Variants in ITGA3 observed in about 807,000 individuals in gnomAD.
ITGA3 encodes the protein integrin subunit alpha 3.
ITGA3 carries 70 observed loss-of-function variants against 131.1 expected under a neutral mutation model. The observed-to-expected ratio is 0.53, with a 90% CI of 0.44 to 0.65. ITGA3 has a LOEUF of 0.65. ITGA3 is among the 30% of genes least tolerant of loss of function. ITGA3 has a pLI of 0.00. For missense variants in ITGA3, 1,098 were observed against 1,388.6 expected, an observed-to-expected ratio of 0.79 and a Z score of 3.33; for synonymous variants, 537 against 571.6, an observed-to-expected ratio of 0.94 and a Z score of 0.86.
At chr17:50,088,844 G>A (rs1909583410) in intron 25 of ITGA3, among the ~76,000 whole-genome samples, 1 of 152,118 alleles carries the variant, frequency 6.6e-6, no homozygotes, top group African/African-American at 2.4e-5. Context: ...CAGTCTTCCT[G>A]GCCATTCCAT....
rs1907888406 is a variant in ITGA3, at chr17:50,057,570, C to T, written c.206+925C>T. 2.0e-5 allele frequency among the ~76,000 whole-genome samples: 3 copies of T among 152,176 alleles called. No homozygotes were observed. The South Asian group carries it at 6.2e-4, about 32-fold the overall frequency. ...AGGTCTCTCTGCCGTGGCCTCAGAG[C>T]GCGCGGAGGTTGGCGGTTGGGGGAG... On this transcript the variant is annotated intron_variant, in intron 1 of 25. Transcript: ENST00000320031.
rs113441627 is a variant in ITGA3 at position 50,080,463 on chromosome 17, G to GGT, written c.2820+130_2820+131dup. ...AGGGCGAGTCCAGGGTCATAGCATG[G>GGT]GTGTGTGTGTGTGTGTGTGTGTGTG... On this transcript the variant is annotated intron_variant, in intron 22 of 25. Transcript: ENST00000320031. The GGT allele has an allele frequency of 0.016, 8,259 of 505,550 alleles. 42 individuals carry two copies. Among genetic ancestry groups the GGT allele is most frequent in the African/African-American group, 0.031 (1,273 of 40,966 alleles). The allele number at this position is 505,550 out of a possible 1,614,324, so 31.3% of individuals were successfully genotyped here.
chr17:50,089,178 G>A lies in ITGA3; in HGVS notation c.*100G>A. Reference sequence around the variant, plus strand: ...AGTACCACGCAGTGCGGATCCGGGAGGAGGAGCGCTACCCACCTCCAGGGA... The same window carrying A: ...AGTACCACGCAGTGCGGATCCGGGAAGAGGAGCGCTACCCACCTCCAGGGA... On this transcript the variant is annotated 3_prime_UTR_variant, in exon 26 of 26. Coordinates refer to ENST00000320031, the MANE Select transcript of ITGA3 (RefSeq NM_002204.4). 6.2e-7 allele frequency: 1 copy of A among 1,613,532 alleles called. No individual in the cohort carries two copies. Among genetic ancestry groups the A allele is most frequent in the Non-Finnish European group, 8.5e-7 (1 of 1,179,646 alleles).
chr17:50,079,815 C>A lies in ITGA3; in HGVS notation c.2706+258C>A, dbSNP rs145473807. Among the ~76,000 whole-genome samples the A allele has an allele frequency of 6.1e-4, 93 of 152,280 alleles. No homozygotes were observed. The East Asian group carries it at 0.016, about 26-fold the overall frequency. ...CCAAGGAACCCCAGCCTGTTGGGGG[C>A]GATAGAGCTGCTCAGAGCTTTGGCC... On this transcript the variant is annotated intron_variant, in intron 21 of 25. Coordinates refer to ENST00000320031, the MANE Select transcript of ITGA3 (RefSeq NM_002204.4).
intron 21 of ITGA3, 88 bp downstream of exon 21, chr17:50,079,645 C>T (rs1909093488): frequency 7.3e-7 from 1 of 1,376,682 alleles, no homozygotes; most frequent in African/African-American, 1.5e-5. Flanking sequence ...CAAGGGAGAC[C>T]TCAGTGTGAT....
At position 50,087,763 on chromosome 17, in the gene ITGA3, C is replaced by T. The variant is rs186573877; in HGVS notation, c.2939C>T (p.Ser980Leu). 1.2e-5 allele frequency: 20 copies of T among 1,613,288 alleles called. No homozygotes were observed. Among genetic ancestry groups the T allele is most frequent in the East Asian group, 2.2e-5 (1 of 44,888 alleles). ...CTCCAGTTCTCTGTGGACATTGACT[C>T]GGAGCTGGTGGAGGAGCTGCCGGCC... ...KTTWFSVDID[S>L]ELVEELPAEI... Residue 980 changes from serine (S) to leucine (L), a missense_variant, in exon 24 of 26, where the codon TCG (serine) becomes TTG (leucine). By Grantham distance (145) the Ser-to-Leu change is moderately radical. Transcript: ENST00000320031.
At chr17:50,080,862 C>G (rs544134952) in intron 22 of ITGA3, among the ~76,000 whole-genome samples, 1 of 152,294 alleles carries the variant, frequency 6.6e-6, no homozygotes, top group African/African-American at 2.4e-5. Context: ...CTCATGCCAT[C>G]TAGACCAAAC....
In ITGA3 at chr17:50,077,253, C is replaced by A. The variant is rs9892662; in HGVS notation, c.2071-126C>A. 4.7e-3 allele frequency: 6,034 copies of A among 1,289,588 alleles called. 227 individuals are homozygous for A. The African/African-American group carries it at 0.079, about 17-fold the overall frequency. The allele number at this position is 1,289,588 out of a possible 1,614,324, so 79.9% of individuals were successfully genotyped here. A position where few individuals can be genotyped will look rare whatever the true frequency, so the allele number is the denominator to read the frequency against. On this transcript the variant is annotated intron_variant, in intron 15 of 25. Transcript: ENST00000320031. Reference sequence around the variant, plus strand: ...CTCTGGTCTGGGCCTTCTTGGGGGCCTTAGCGTCTCTGCTGCTTGGAGAAT... The same window carrying A: ...CTCTGGTCTGGGCCTTCTTGGGGGCATTAGCGTCTCTGCTGCTTGGAGAAT...
rs767636391 is a variant in ITGA3, at chr17:50,079,303, G to T, written c.2583+45G>T. ...TATTTCATTTGCATGCTACAGGGCA[G>T]AAAGGCCAGTGTCTTCCCCTCCCTC... On this transcript the variant is annotated intron_variant, in intron 20 of 25. Coordinates refer to ENST00000320031, the MANE Select transcript of ITGA3 (RefSeq NM_002204.4). 5 of 1,596,400 alleles carry T rather than the reference G, an allele frequency of 3.1e-6. No homozygotes were observed. In the South Asian group the frequency reaches 5.6e-5, roughly 18 times the overall value.
Position 50,068,152 on chromosome 17 carries a change from C to T in ITGA3, c.511C>T (p.Leu171=). The change falls in exon 4 of 26, where the codon CTG becomes TTG. Residue 171 remains leucine, a synonymous_variant. Coordinates refer to ENST00000320031, the MANE Select transcript of ITGA3 (RefSeq NM_002204.4). The part of the protein sequence containing the change: ...KCYVRGNDLE[L]DSSDDWQTYH... ...CTACGTGCGAGGCAATGACCTAGAG[C>T]TGGACTCCAGTGATGACTGGCAGAC... 1.2e-6 allele frequency: 2 copies of T among 1,614,206 alleles called. No individual in the cohort carries two copies. The highest frequency in any genetic ancestry group is 4.5e-5 in the East Asian group (2 of 44,890).
In ITGA3 at chr17:50,078,284, TGTGG is replaced by T; in HGVS notation, c.2297+3_2297+6del. Reference sequence around the variant, plus strand: ...TATACACTCCAGACCTCGCTTAGCATGTGGGTACCGCTCTCCACCACCCCCACCC... The same window carrying T: ...TATACACTCCAGACCTCGCTTAGCATGTACCGCTCTCCACCACCCCCACCC... On this transcript the variant is annotated splice_donor_variant and splice_donor_region_variant and intron_variant, in intron 18 of 25. Coordinates refer to ENST00000320031, the MANE Select transcript of ITGA3 (RefSeq NM_002204.4). LOFTEE classifies it high-confidence loss of function. 4 of 1,612,814 alleles carry T rather than the reference TGTGG, an allele frequency of 2.5e-6. No homozygotes were observed. Among genetic ancestry groups the T allele is most frequent in the Non-Finnish European group, 3.4e-6 (4 of 1,179,030 alleles).
At chr17:50,060,366 C>T (rs915763516) in intron 1 of ITGA3, among the ~76,000 whole-genome samples, 2 of 152,242 alleles carry the variant, frequency 1.3e-5, no homozygotes, top group Admixed American at 1.3e-4. Context: ...CCCCAGTGCC[C>T]CCAGGGGCCT....
chr17:50,087,819 G>A lies in ITGA3; in HGVS notation c.2995G>A (p.Val999Met), dbSNP rs771635263. The stretch of plus-strand genomic sequence containing the variant: ...CGAGCTGTGGCTGGTGCTGGTGGCC[G>A]TGGGTGCAGGGCTGCTGCTGCTGGG... ...EIELWLVLVAVGAGLLLLGLI... is the reference protein window; with the variant it reads ...EIELWLVLVAMGAGLLLLGLI... The change falls in exon 24 of 26, where the codon GTG becomes ATG. Residue 999 changes from valine to methionine, a missense_variant. Physicochemically the swap from Val to Met is conservative, Grantham distance 21. This residue lies in a region of ITGA3 where 699 missense variants were observed against 829.2 expected (regional missense o/e 0.84). Transcript: ENST00000320031. The A allele has an allele frequency of 3.7e-6, 6 of 1,611,438 alleles. No homozygotes were observed. The highest frequency in any genetic ancestry group is 2.2e-5 in the South Asian group (2 of 90,886).
chr17:50,077,551 C>G, intron 16 of ITGA3, 104 bp downstream of exon 16: 2 of 911,026 alleles, frequency 2.2e-6, no homozygotes, highest in Non-Finnish European at 3.6e-6. Flanking sequence ...TGGGCTCCCT[C>G]GAAGTGGAGA....
In ITGA3 at chr17:50,073,943, G is replaced by T; in HGVS notation, c.1184G>T (p.Gly395Val). ...ATTGCTGTGGGAGCTCCGTTTGAAG[G>T]CTTGGGCAAAGTGTACATCTATCAC... Reference protein sequence around the residue: ...QDIAVGAPFEGLGKVYIYHSS... With the variant: ...QDIAVGAPFEVLGKVYIYHSS... Residue 395 changes from glycine to valine, a missense_variant, in exon 8 of 26, where the codon GGC becomes GTC. Around this residue, in one of 3 missense-constraint regions of ITGA3, gnomAD observed 356 missense variants for 529.2 expected, o/e 0.67. Transcript: ENST00000320031. 6.2e-7 allele frequency: 1 copy of T among 1,614,162 alleles called. No individual in the cohort carries two copies. The highest frequency in any genetic ancestry group is 1.1e-5 in the South Asian group (1 of 91,088).
In ITGA3 at chr17:50,077,423, G is replaced by C; in HGVS notation, c.2115G>C (p.Gly705=). 1 of 1,613,986 alleles carries C rather than the reference G, an allele frequency of 6.2e-7. No individual in the cohort carries two copies. The highest frequency in any genetic ancestry group is 2.2e-5 in the East Asian group (1 of 44,878). Residue 705 remains glycine, a synonymous_variant, in exon 16 of 26, where the codon GGG becomes GGC. Coordinates refer to ENST00000320031, the MANE Select transcript of ITGA3 (RefSeq NM_002204.4). ...ATGAGACCATCTTTTGCGAGCTGGGGAACCCCTTCAAACGGAACCAGAGGG... is the reference window on the plus strand; with the variant it reads ...ATGAGACCATCTTTTGCGAGCTGGGCAACCCCTTCAAACGGAACCAGAGGG... ...QANETIFCEL[G]NPFKRNQRME... is the part of the protein sequence containing the mutation.
chr17:50,062,796 A>C (rs967609829), intron 1 of ITGA3, among the ~76,000 whole-genome samples: 2 of 152,242 alleles, frequency 1.3e-5, no homozygotes, highest in Non-Finnish European at 2.9e-5. Flanking sequence ...CCAGAGCCCA[A>C]GTTCTGAGCT....
intron 5 of ITGA3, 46 bp from the exon 6 acceptor site, chr17:50,071,265 A>T (rs1838105252): frequency 6.5e-7 from 1 of 1,549,988 alleles, no homozygotes; most frequent in Non-Finnish European, 8.9e-7. Context: ...GTAGAAAGAG[A>T]CGAAGTTGAC....
intron 10 of ITGA3, 103 bp from the exon 11 acceptor site, chr17:50,075,356 C>CT (rs1908831467): frequency 1.6e-6 from 2 of 1,225,344 alleles, no homozygotes; most frequent in Non-Finnish European, 2.4e-6. Context: ...CTGCCTCTCT[C>CT]CAGAAGGGCC....
Sources: gnomAD v4.1 joint callset for allele counts (sites outside exome capture counted in the v4.1 genomes callset) on GRCh38, gnomAD v4.1.1 for gene constraint, gnomAD v4.1.1 regional missense constraint, MANE v1.5 for transcripts, NCBI Gene and HGNC (gene_info 2026-07-23, HGNC 2026-07-21) for gene names.